AAK1: variants seen among roughly 807,000 people sequenced by gnomAD.
AAK1 encodes the protein AP2-associated protein kinase 1.
Under a neutral mutation model 116.0 loss-of-function variants are expected in AAK1, and 37 were observed. The observed-to-expected ratio is 0.32, with a 90% confidence interval of 0.25 to 0.42. The LOEUF is 0.42. Ranked by LOEUF, AAK1 falls within the 10% of genes least tolerant of loss-of-function variation. The pLI, the probability that AAK1 is intolerant of heterozygous loss-of-function variation, is 1.00. For synonymous variants in AAK1, 458 were observed against 439.9 expected (o/e 1.04, Z -0.51); for missense variants, 919 against 1,170.6 (o/e 0.79, Z 3.14).
At chr2:69,595,545 C>CT (rs1184785301) in intron 2 of AAK1, among the ~76,000 whole-genome samples, 2 of 152,234 alleles carry the variant, frequency 1.3e-5, no homozygotes, top group Admixed American at 1.3e-4. Flanking sequence ...CACTAACTCT[C>CT]CTCAATTCTA....
At position 69,473,207 on chromosome 2, in the gene AAK1, CTG is replaced by C; in HGVS notation, c.*2660_*2661del. 1 of 850,976 alleles carries C rather than the reference CTG, an allele frequency of 1.2e-6. No individual in the cohort carries two copies. Among genetic ancestry groups the C allele is most frequent in the Non-Finnish European group, 1.4e-6 (1 of 707,264 alleles). The allele number at this position is 850,976 out of a possible 1,614,324, so 52.7% of individuals were successfully genotyped here. A position where few individuals can be genotyped will look rare whatever the true frequency, so the allele number is the denominator to read the frequency against. On this transcript the variant is annotated 3_prime_UTR_variant, in exon 22 of 22. Transcript: ENST00000409085. ...AGGATGAGATCCCAGGTGGCCTGTC[CTG>C]CCCAGGCCTCTTCTCCCCCGACCCT...
In AAK1 at chr2:69,466,801, C is replaced by G; in HGVS notation, c.*9068G>C. ...AAAGGAGATGAAGATGTTAGGCACA[C>G]AGACATTCAGCGTAACTATGCAATG... On this transcript the variant is annotated 3_prime_UTR_variant, in exon 22 of 22. Coordinates refer to ENST00000409085, the MANE Select transcript of AAK1 (RefSeq NM_014911.5). 2.2e-5 allele frequency: 22 copies of G among 985,344 alleles called. No homozygotes were observed. Among genetic ancestry groups the G allele is most frequent in the Non-Finnish European group, 2.7e-5 (22 of 829,868 alleles). The allele number at this position is 985,344 out of a possible 1,614,324, so 61.0% of individuals were successfully genotyped here.
intron 16 of AAK1, among the ~76,000 whole-genome samples, chr2:69,503,665 G>T (rs1261880287): frequency 1.3e-5 from 2 of 152,148 alleles, no homozygotes; most frequent in African/African-American, 2.4e-5. Flanking sequence ...GGCTACAGGT[G>T]TGCGCCACCA....
chr2:69,509,193 C>T, intron 14 of AAK1, 38 bp downstream of exon 14: 3 of 1,592,320 alleles, frequency 1.9e-6, no homozygotes, highest in Non-Finnish European at 2.6e-6. Context: ...AGACTTTGCC[C>T]ACAGAGGTAA....
chr2:69,611,732 G>T (rs1674090220), intron 2 of AAK1, among the ~76,000 whole-genome samples: 1 of 152,210 alleles, frequency 6.6e-6, no homozygotes, highest in Non-Finnish European at 1.5e-5. Flanking sequence ...CAGCCAGAAG[G>T]TAGAAGCAAT....
chr2:69,569,168 GA>G (rs1418196744), intron 2 of AAK1, among the ~76,000 whole-genome samples: 1 of 152,152 alleles, frequency 6.6e-6, no homozygotes, highest in Non-Finnish European at 1.5e-5. Context: ...CGAGCCAGAG[GA>G]AAGTCCAAAT....
At chr2:69,557,301 CTT>C (rs869066825) in intron 2 of AAK1, among the ~76,000 whole-genome samples, 1,594 of 136,572 alleles carry the variant, frequency 0.012, 29 homozygotes, top group African/African-American at 0.038. Context: ...ATCCTATGTA[CTT>C]TTTTTTTTTT....
At chr2:69,542,415 G>T in intron 5 of AAK1, 108 bp downstream of exon 5, 2 of 1,339,654 alleles carry the variant, frequency 1.5e-6, no homozygotes, top group East Asian at 2.4e-5. Flanking sequence ...CATAAAAACA[G>T]GGACCATATC....
At chr2:69,551,264 A>C (rs1558954827) in intron 3 of AAK1, among the ~76,000 whole-genome samples, 1 of 152,282 alleles carries the variant, frequency 6.6e-6, no homozygotes, top group South Asian at 2.1e-4. Context: ...GAGAGAGAGC[A>C]TCAGGAAGAA....
intron 17 of AAK1, among the ~76,000 whole-genome samples, chr2:69,488,202 G>C (rs1675380422): frequency 1.3e-5 from 2 of 150,906 alleles, no homozygotes; most frequent in Non-Finnish European, 2.9e-5. Flanking sequence ...AACAAAAGTT[G>C]AATAACTATT....
At chr2:69,638,752 T>C (rs1675562684) in intron 2 of AAK1, among the ~76,000 whole-genome samples, 1 of 152,226 alleles carries the variant, frequency 6.6e-6, no homozygotes, top group African/African-American at 2.4e-5. Context: ...GCAATTTCTA[T>C]TCCTGTTCAA....
intron 2 of AAK1, among the ~76,000 whole-genome samples, chr2:69,638,275 G>A (rs992598515): frequency 6.6e-6 from 1 of 152,128 alleles, no homozygotes; most frequent in Non-Finnish European, 1.5e-5. Context: ...CTTCTGCTCT[G>A]GTCAAACACC....
intron 16 of AAK1, among the ~76,000 whole-genome samples, chr2:69,502,607 G>T (rs1406719635): frequency 6.6e-6 from 1 of 152,038 alleles, no homozygotes; most frequent in Non-Finnish European, 1.5e-5. Context: ...GGCAACAAGA[G>T]CAGAACTGTC....
intron 2 of AAK1, among the ~76,000 whole-genome samples, chr2:69,631,993 G>A (rs1426878633): frequency 1.3e-5 from 2 of 151,764 alleles, no homozygotes; most frequent in African/African-American, 4.8e-5. Flanking sequence ...ATACATAATA[G>A]GCTAAATAAT....
rs183721807 is a variant in AAK1, at chr2:69,502,447, C to G, written c.2269+3122G>C. Among the ~76,000 whole-genome samples the G allele has an allele frequency of 4.6e-3, 695 of 152,070 alleles. 3 individuals are homozygous for G. The highest frequency in any genetic ancestry group is 0.016 in the African/African-American group (661 of 41,476). ...GACCAGCCTGACCAACATGGAGAAA[C>G]CCTGTCTCTACTAAAAGTACAAAAT... On this transcript the variant is annotated intron_variant, in intron 16 of 21. Transcript: ENST00000409085.
chr2:69,641,482 T>C (rs899656481), intron 2 of AAK1, among the ~76,000 whole-genome samples: 1 of 152,224 alleles, frequency 6.6e-6, no homozygotes, highest in Admixed American at 6.5e-5. Flanking sequence ...TGGCCCCAGA[T>C]AAAGCGCAGC....
intron 2 of AAK1, among the ~76,000 whole-genome samples, chr2:69,585,487 A>T (rs1428383559): frequency 1.3e-5 from 2 of 152,156 alleles, no homozygotes; most frequent in East Asian, 3.9e-4. Flanking sequence ...GACAGTAGTT[A>T]TGTTGGCCCC....
intron 2 of AAK1, among the ~76,000 whole-genome samples, chr2:69,571,451 G>A (rs1672092250): frequency 6.6e-6 from 1 of 152,164 alleles, no homozygotes; most frequent in African/African-American, 2.4e-5. Context: ...TTGGGTTCTG[G>A]GAGGTTCCCT....
In AAK1 at chr2:69,507,627, A is replaced by G. The variant is rs555806465; in HGVS notation, c.2007-49T>C. 304 of 1,480,612 alleles carry G rather than the reference A, an allele frequency of 2.1e-4. 2 individuals carry two copies. Among genetic ancestry groups the G allele is most frequent in the South Asian group, 1.3e-5 (1 of 74,118 alleles). 91.7% of individuals were successfully genotyped at this position (1,480,612 alleles called of 1,614,324 possible). On this transcript the variant is annotated intron_variant, in intron 14 of 21. Transcript: ENST00000409085. ...AAACAAAAAGATATAAAAGTTGAACAAAACAAAAAGGGTCAACTTATTTTC... is the reference window on the plus strand; with the variant it reads ...AAACAAAAAGATATAAAAGTTGAACGAAACAAAAAGGGTCAACTTATTTTC...
Sources: gnomAD v4.1 joint callset for allele counts (sites outside exome capture counted in the v4.1 genomes callset) on GRCh38, gnomAD v4.1.1 for gene constraint, MANE v1.5 for transcripts, NCBI Gene and HGNC (gene_info 2026-07-23, HGNC 2026-07-21) for gene names.